The following AGBL1 variants were observed in gnomAD, a reference collection of about 807,000 sequenced individuals.
The protein encoded by AGBL1 is cytosolic carboxypeptidase 4.
A neutral mutation model predicts 118.9 loss-of-function variants in AGBL1; 130 were observed. The ratio of observed to expected loss-of-function variants is 1.09; its 90% CI spans 0.95 to 1.26. The LOEUF is 1.26. Among genes scored for constraint, AGBL1 ranks in the 50% most tolerant of loss-of-function variants. The pLI is 0.00. For synonymous variants in AGBL1, 555 were observed against 478.9 expected, an observed-to-expected ratio of 1.16 and a Z score of -2.08; for missense variants, 1,584 against 1,298.1, an observed-to-expected ratio of 1.22 and a Z score of -3.38.
rs562475587 is a variant in AGBL1, at chr15:86,264,851, C to A, written c.1667+13C>A. The A allele has an allele frequency of 6.4e-7, 1 of 1,560,586 alleles. No individual in the cohort carries two copies. The highest frequency in any genetic ancestry group is 8.6e-7 in the Non-Finnish European group (1 of 1,158,790). ...GTGGAGTCCAAAGGTGATGGCGCTACTGACTTGGGAGCTCTTTTTTTCTGT... is the reference window on the plus strand; with the variant it reads ...GTGGAGTCCAAAGGTGATGGCGCTAATGACTTGGGAGCTCTTTTTTTCTGT... On this transcript the variant is annotated intron_variant, in intron 11 of 22. Transcript: ENST00000614907.
chr15:86,191,348 C>CAAAAAAAAAA lies in AGBL1; in HGVS notation c.488+32335_488+32344dup, dbSNP rs869108108. The stretch of plus-strand genomic sequence containing the variant: ...GGGCGACAGGAGCAAAACTTTGTCT[C>CAAAAAAAAAA]AAAAAAAAAAAAAAAAAAAAAAGAG... On this transcript the variant is annotated intron_variant, in intron 5 of 22. Coordinates refer to ENST00000614907, the MANE Select transcript of AGBL1 (RefSeq NM_001386094.1). Among the ~76,000 whole-genome samples the CAAAAAAAAAA allele has an allele frequency of 4.5e-4, 29 of 65,102 alleles. 1 individual carries two copies. The highest frequency in any genetic ancestry group is 1.8e-3 in the African/African-American group (22 of 11,996). 42.7% of individuals were successfully genotyped at this position (65,102 alleles called of 152,430 possible). A position where few individuals can be genotyped will look rare whatever the true frequency, so the allele number is the denominator to read the frequency against.
intron 18 of AGBL1, among the ~76,000 whole-genome samples, chr15:86,406,640 A>G (rs2081534563): frequency 6.6e-6 from 1 of 152,182 alleles, no homozygotes; most frequent in Admixed American, 6.5e-5. Flanking sequence ...CCAGAGAAAA[A>G]CATTATTAGC....
chr15:86,499,104 C>G (rs1183700666), intron 18 of AGBL1, among the ~76,000 whole-genome samples: 1 of 151,852 alleles, frequency 6.6e-6, no homozygotes, highest in East Asian at 1.9e-4. Context: ...AGCTCATCCT[C>G]TCTAATATTT....
chr15:86,819,675 C>T (rs145922469), intron 22 of AGBL1, among the ~76,000 whole-genome samples: 2 of 152,254 alleles, frequency 1.3e-5, no homozygotes, highest in Admixed American at 1.3e-4. Flanking sequence ...ATTCCATGCT[C>T]ATGGAGAGGC....
chr15:86,469,379 C>G (rs1268876950), intron 18 of AGBL1, among the ~76,000 whole-genome samples: 1 of 152,162 alleles, frequency 6.6e-6, no homozygotes, highest in African/African-American at 2.4e-5. Flanking sequence ...AGCATAATAT[C>G]CTCTAGGTTC....
chr15:86,323,810 C>T (rs1040412534), intron 17 of AGBL1, among the ~76,000 whole-genome samples: 3 of 152,202 alleles, frequency 2.0e-5, no homozygotes, highest in Admixed American at 6.5e-5. Context: ...CATTGGTGCT[C>T]AGTTTTGCAC....
In AGBL1 at chr15:86,257,016, A is replaced by G; in HGVS notation, c.899A>G (p.Glu300Gly). 2 of 1,612,904 alleles carry G rather than the reference A, an allele frequency of 1.2e-6. No individual in the cohort carries two copies. The highest frequency in any genetic ancestry group is 1.7e-6 in the Non-Finnish European group (2 of 1,179,404). Reference protein sequence around the residue: ...ITTEPPHDLPEEDFEDDGDDE... With the variant: ...ITTEPPHDLPGEDFEDDGDDE... ...ACTGAACCTCCACATGATCTACCTG[A>G]AGGTAAAATAAGTTGGTAACTATGA... The change falls in exon 8 of 23, where the codon GAA becomes GGA. Residue 300 changes from glutamate to glycine, a missense_variant and splice_region_variant. Glu to Gly is a moderately conservative substitution (Grantham distance 98). Transcript: ENST00000614907.
intron 18 of AGBL1, among the ~76,000 whole-genome samples, chr15:86,433,417 G>T (rs117693808): frequency 0.012 from 1,847 of 151,894 alleles, 16 homozygotes; most frequent in Non-Finnish European, 0.017. Flanking sequence ...CCCTGTTCAG[G>T]CTGTTCCCTG....
chr15:86,863,269 T>C (rs2079583629), intron 22 of AGBL1, among the ~76,000 whole-genome samples: 1 of 152,224 alleles, frequency 6.6e-6, no homozygotes, highest in Non-Finnish European at 1.5e-5. Context: ...CAGATGCTTC[T>C]CTATTTATGA....
intron 17 of AGBL1, among the ~76,000 whole-genome samples, chr15:86,301,399 C>T (rs544710149): frequency 7.0e-6 from 1 of 141,948 alleles, no homozygotes; most frequent in African/African-American, 2.6e-5. Flanking sequence ...TCTTGGCAAT[C>T]TTTTTTTTTT....
chr15:86,225,852 T>C (rs2078353846), intron 6 of AGBL1, among the ~76,000 whole-genome samples: 1 of 152,162 alleles, frequency 6.6e-6, no homozygotes. Flanking sequence ...CCCCCATCCA[T>C]ACATCTCTGT....
chr15:86,100,173 C>A (rs1362761479), intron 1 of AGBL1, among the ~76,000 whole-genome samples: 1 of 151,976 alleles, frequency 6.6e-6, no homozygotes, highest in Non-Finnish European at 1.5e-5. Flanking sequence ...TTCTTGTATC[C>A]CTGGTATAAA....
At chr15:86,929,040 G>A (rs188119396) in intron 23 of AGBL1, among the ~76,000 whole-genome samples, 1 of 151,648 alleles carries the variant, frequency 6.6e-6, no homozygotes, top group Non-Finnish European at 1.5e-5. Context: ...CTGTCTCTCT[G>A]AGACAGAGTC....
intron 22 of AGBL1, among the ~76,000 whole-genome samples, chr15:86,701,004 G>C (rs2086349023): frequency 6.6e-6 from 1 of 152,136 alleles, no homozygotes; most frequent in African/African-American, 2.4e-5. Flanking sequence ...AAAGTGCTGA[G>C]GGTTGCTCCA....
At chr15:86,993,513 T>C (rs1022149234) in intron 24 of AGBL1, among the ~76,000 whole-genome samples, 1 of 151,968 alleles carries the variant, frequency 6.6e-6, no homozygotes. Flanking sequence ...ATGAGAGCAG[T>C]TATGGGTGGG....
intron 22 of AGBL1, among the ~76,000 whole-genome samples, chr15:86,880,061 C>T (rs567186722): frequency 1.8e-4 from 28 of 152,324 alleles, no homozygotes; most frequent in Middle Eastern, 3.4e-3. Context: ...ATCACTAGAG[C>T]GTTCCTCAGC....
At chr15:86,470,852 C>G (rs1211653413) in intron 18 of AGBL1, among the ~76,000 whole-genome samples, 3 of 151,850 alleles carry the variant, frequency 2.0e-5, no homozygotes, top group Admixed American at 2.0e-4. Context: ...AGAAATTTTA[C>G]TGATTTTTGT....
intron 22 of AGBL1, among the ~76,000 whole-genome samples, chr15:86,902,682 G>C (rs2080227170): frequency 6.6e-6 from 1 of 152,112 alleles, no homozygotes; most frequent in Non-Finnish European, 1.5e-5. Context: ...GTTTTAGAGT[G>C]TTAGGTTGTC....
At chr15:86,623,543 A>G (rs530034545) in intron 21 of AGBL1, among the ~76,000 whole-genome samples, 1 of 152,146 alleles carries the variant, frequency 6.6e-6, no homozygotes, top group Non-Finnish European at 1.5e-5. Flanking sequence ...CTGTCCTCCA[A>G]CCACAGGAAT....
Sources: allele counts gnomAD v4.1 joint callset (sites outside exome capture counted in the v4.1 genomes callset), GRCh38; gene constraint gnomAD v4.1.1; transcripts MANE v1.5; gene names NCBI Gene and HGNC (gene_info 2026-07-23, HGNC 2026-07-21).